The following UBE4A variants were observed in gnomAD, a reference collection of about 807,000 sequenced individuals.
UBE4A encodes ubiquitin conjugation factor E4 A.
A neutral mutation model predicts 117.9 loss-of-function variants in UBE4A; 48 were observed. The observed-to-expected ratio is 0.41, with a 90% CI of 0.32 to 0.52. The LOEUF is 0.52. UBE4A is among the 20% of genes least tolerant of loss of function. UBE4A has a pLI of 0.33. For synonymous variants in UBE4A, 407 were observed against 450.0 expected, an observed-to-expected ratio of 0.90 and a Z score of 1.21; for missense variants, 1,067 against 1,296.3, an observed-to-expected ratio of 0.82 and a Z score of 2.72.
intron 16 of UBE4A, 29 bp downstream of exon 16, chr11:118,386,641 A>G (rs1555127322): frequency 6.7e-7 from 1 of 1,493,488 alleles, no homozygotes; most frequent in South Asian, 1.4e-5. Flanking sequence ...GCTTCCCCCC[A>G]AAAAAGTAAT....
chr11:118,387,486 A>G (rs1217149495), intron 16 of UBE4A, among the ~76,000 whole-genome samples: 2 of 152,200 alleles, frequency 1.3e-5, no homozygotes, highest in Admixed American at 1.3e-4. Flanking sequence ...AAGAGAAAGG[A>G]TAAGAAAACA....
At chr11:118,365,420 C>CA (rs1948555252) in intron 2 of UBE4A, among the ~76,000 whole-genome samples, 1 of 151,790 alleles carries the variant, frequency 6.6e-6, no homozygotes, top group African/African-American at 2.4e-5. Flanking sequence ...CTCCACTGTA[C>CA]AAAAAGAGAC....
intron 2 of UBE4A, among the ~76,000 whole-genome samples, chr11:118,366,618 C>T (rs1428008841): frequency 2.0e-5 from 3 of 152,206 alleles, no homozygotes; most frequent in Non-Finnish European, 4.4e-5. Context: ...AAACCTTTGG[C>T]TTCCTATGTT....
chr11:118,375,716 ATGT>A (rs1326180380), intron 9 of UBE4A, among the ~76,000 whole-genome samples: 2 of 152,188 alleles, frequency 1.3e-5, no homozygotes, highest in Non-Finnish European at 2.9e-5. Flanking sequence ...TAGCTTTTAA[ATGT>A]TGTACTTTAG....
chr11:118,388,772 A>G (rs1002766514), intron 16 of UBE4A, among the ~76,000 whole-genome samples: 12 of 152,198 alleles, frequency 7.9e-5, no homozygotes, highest in South Asian at 2.1e-4. Flanking sequence ...TAAATAACTT[A>G]TGGTGCAGTT....
At chr11:118,375,735 CCTT>C (rs1591299217) in intron 9 of UBE4A, among the ~76,000 whole-genome samples, 2 of 151,838 alleles carry the variant, frequency 1.3e-5, no homozygotes, top group South Asian at 4.2e-4. Context: ...TTTAGTGAGA[CCTT>C]CTCTCTGGAT....
At position 118,397,258 on chromosome 11, in the gene UBE4A, T is replaced by C. The variant is rs948070861; in HGVS notation, c.*818T>C. 2.0e-5 allele frequency: 3 copies of C among 152,180 alleles called. No individual in the cohort carries two copies. Among genetic ancestry groups the C allele is most frequent in the African/African-American group, 7.2e-5 (3 of 41,440 alleles). The allele number at this position is 152,180 out of a possible 1,614,324, so 9.4% of individuals were successfully genotyped here. A position where few individuals can be genotyped will look rare whatever the true frequency, so the allele number is the denominator to read the frequency against. On this transcript the variant is annotated 3_prime_UTR_variant, in exon 20 of 20. Transcript: ENST00000252108. The stretch of plus-strand genomic sequence containing the variant: ...CATTTTAAGACACTAATATCAACAG[T>C]ATATCTCAGTGTGTGAGATATATAA...
At chr11:118,395,346 A>G (rs1190432561) in intron 19 of UBE4A, among the ~76,000 whole-genome samples, 3 of 152,100 alleles carry the variant, frequency 2.0e-5, no homozygotes, top group Non-Finnish European at 4.4e-5. Flanking sequence ...AAAAAAAAAA[A>G]AGAATTTTCT....
At position 118,372,565 on chromosome 11, in the gene UBE4A, T is replaced by C. The variant is rs772918512; in HGVS notation, c.620T>C (p.Val207Ala). 6.2e-7 allele frequency: 1 copy of C among 1,613,992 alleles called. No individual in the cohort carries two copies. The highest frequency in any genetic ancestry group is 1.1e-5 in the South Asian group (1 of 91,084). The change falls in exon 6 of 20, where the codon GTG (valine) becomes GCG (alanine). Residue 207 changes from valine (V) to alanine (A), a missense_variant. Around this residue, in one of 3 missense-constraint regions of UBE4A, gnomAD observed 1,001 missense variants for 1,184.0 expected, o/e 0.85. Transcript: ENST00000252108. ...PFAVQCRNLT[V>A]SNTRTVLLTP... Reference sequence around the variant, plus strand: ...GCAGTGCAGTGCAGAAACCTCACTGTGTCCAATACCCGAACAGTTCTTCTC... The same window carrying C: ...GCAGTGCAGTGCAGAAACCTCACTGCGTCCAATACCCGAACAGTTCTTCTC...
chr11:118,380,741 C>A (rs1555126213), intron 11 of UBE4A, among the ~76,000 whole-genome samples: 4 of 152,278 alleles, frequency 2.6e-5, no homozygotes, highest in African/African-American at 7.2e-5. Flanking sequence ...GATCCACTTA[C>A]AAGCCCAGTC....
chr11:118,374,448 C>G (rs539086428), intron 8 of UBE4A, among the ~76,000 whole-genome samples: 87 of 152,230 alleles, frequency 5.7e-4, no homozygotes, highest in Non-Finnish European at 1.2e-3. Context: ...TTACAACTCT[C>G]TAAGGCAAGG....
chr11:118,379,225 T>C (rs782140993), intron 10 of UBE4A, among the ~76,000 whole-genome samples: 15 of 152,238 alleles, frequency 9.9e-5, no homozygotes, highest in Non-Finnish European at 1.6e-4. Context: ...AAGGCTGCTA[T>C]TTGCAATTAG....
At chr11:118,383,077 C>T (rs142567580) in intron 13 of UBE4A, among the ~76,000 whole-genome samples, 103 of 152,148 alleles carry the variant, frequency 6.8e-4, no homozygotes, top group African/African-American at 2.4e-3. Context: ...AACAAACTAC[C>T]AAGTGGTAGA....
chr11:118,394,724 A>G (rs1175371053), intron 19 of UBE4A, among the ~76,000 whole-genome samples: 1 of 151,802 alleles, frequency 6.6e-6, no homozygotes, highest in Non-Finnish European at 1.5e-5. Context: ...CAGTGAGCCA[A>G]GATCACACCA....
intron 13 of UBE4A, 148 bp downstream of exon 13, chr11:118,382,924 T>C: frequency 3.0e-6 from 2 of 671,712 alleles, no homozygotes; most frequent in Non-Finnish European, 4.2e-6. Flanking sequence ...AAGTGCTTTT[T>C]TTTTTTTTTT....
At position 118,390,589 on chromosome 11, in the gene UBE4A, C is replaced by T. The variant is rs1264976753; in HGVS notation, c.2769-68C>T. 2.8e-5 allele frequency: 37 copies of T among 1,318,074 alleles called. No individual in the cohort carries two copies. The South Asian group carries it at 4.2e-4, about 15-fold the overall frequency. The allele number at this position is 1,318,074 out of a possible 1,614,324, so 81.6% of individuals were successfully genotyped here. On this transcript the variant is annotated intron_variant, in intron 17 of 19. Transcript: ENST00000252108. The stretch of plus-strand genomic sequence containing the variant: ...AGTGGTGAGAATGCTTGTTCTGCAG[C>T]CTACCTATTGTCTCTTCCATTGACC...
At position 118,389,598 on chromosome 11, in the gene UBE4A, A is replaced by T. The variant is rs868950169; in HGVS notation, c.2588-127A>T. Reference sequence around the variant, plus strand: ...AATGAATTACTTAGTTTTTTAAAAAAGTAGTTCCTTCAAAATGTTTAGAAA... The same window carrying T: ...AATGAATTACTTAGTTTTTTAAAAATGTAGTTCCTTCAAAATGTTTAGAAA... On this transcript the variant is annotated intron_variant, in intron 16 of 19. Coordinates refer to ENST00000252108, the MANE Select transcript of UBE4A (RefSeq NM_001204077.2). 32 of 940,870 alleles carry T rather than the reference A, an allele frequency of 3.4e-5. No homozygotes were observed. The Middle Eastern group carries it at 3.3e-3, about 96-fold the overall frequency. 58.3% of individuals were successfully genotyped at this position (940,870 alleles called of 1,614,324 possible).
At chr11:118,375,449 T>C in intron 9 of UBE4A, among the ~76,000 whole-genome samples, 1 of 152,156 alleles carries the variant, frequency 6.6e-6, no homozygotes, top group South Asian at 2.1e-4. Context: ...AATCTCTGCC[T>C]CCCGTGTTCC....
At chr11:118,364,217 G>A (rs1948544940) in intron 1 of UBE4A, among the ~76,000 whole-genome samples, 2 of 152,060 alleles carry the variant, frequency 1.3e-5, no homozygotes, top group Non-Finnish European at 1.5e-5. Context: ...GGTCTTGAAT[G>A]AGGAAATGTA....
Sources: allele counts gnomAD v4.1 joint callset (sites outside exome capture counted in the v4.1 genomes callset), GRCh38; gene constraint gnomAD v4.1.1; regional missense constraint gnomAD v4.1.1; transcripts MANE v1.5; gene names NCBI Gene and HGNC (gene_info 2026-07-23, HGNC 2026-07-21).